LMBRD2: variants seen among roughly 807,000 people sequenced by gnomAD.
LMBRD2 encodes LMBR1 domain containing 2.
A neutral mutation model predicts 94.4 loss-of-function variants in LMBRD2; 55 were observed. The ratio of observed to expected loss-of-function variants is 0.58; its 90% confidence interval spans 0.47 to 0.73. The LOEUF is 0.73. LMBRD2 is among the 30% of genes least tolerant of loss of function. The pLI is 0.00. For synonymous variants in LMBRD2, 246 were observed against 272.4 expected (o/e 0.90, Z 0.95); for missense variants, 640 against 831.9 (o/e 0.77, Z 2.84).
At chr5:36,134,167 G>C (rs1744217245) in intron 6 of LMBRD2, among the ~76,000 whole-genome samples, 1 of 151,884 alleles carries the variant, frequency 6.6e-6, no homozygotes. Flanking sequence ...TGGGAATGTT[G>C]AATATAACAG....
chr5:36,119,549 C>A (rs760563937), intron 9 of LMBRD2, among the ~76,000 whole-genome samples: 17 of 152,166 alleles, frequency 1.1e-4, no homozygotes, highest in Non-Finnish European at 2.4e-4. Flanking sequence ...CTGTTTAAAT[C>A]CAACTCGCTG....
intron 6 of LMBRD2, among the ~76,000 whole-genome samples, chr5:36,126,137 T>C (rs1744002096): frequency 6.6e-6 from 1 of 152,214 alleles, no homozygotes; most frequent in South Asian, 2.1e-4. Context: ...AAGATAAGAC[T>C]TGGGTTTTTA....
intron 1 of LMBRD2, among the ~76,000 whole-genome samples, chr5:36,148,632 C>G (rs1023369826): frequency 6.6e-6 from 1 of 152,076 alleles, no homozygotes; most frequent in African/African-American, 2.4e-5. Flanking sequence ...GACCTCACAA[C>G]CTAGTAAGAA....
Position 36,105,145 on chromosome 5 carries a change from T to C in LMBRD2, c.1950A>G (p.Glu650=). ...ANNRTERDRI[E]LLQDAEPLDF... ...CCAAAGGTTCTGCATCTTGGAGAAG[T>C]TCTATCCGGTCCCTTTCAGTCCTGT... Residue 650 remains glutamate (E), a synonymous_variant, in exon 17 of 18, where the codon GAA becomes GAG. Transcript: ENST00000296603. The C allele has an allele frequency of 6.2e-7, 1 of 1,612,716 alleles. No homozygotes were observed. The highest frequency in any genetic ancestry group is 8.5e-7 in the Non-Finnish European group (1 of 1,178,986).
Position 36,122,425 on chromosome 5 carries a change from T to C in LMBRD2, c.975A>G (p.Val325=), listed in dbSNP as rs1743907970. Residue 325 remains valine (V), a synonymous_variant, in exon 9 of 18, where the codon GTA becomes GTG. Transcript: ENST00000296603. The part of the protein sequence containing the change: ...YSVQRHRRTQ[V]QWQILLEQAF... ...CTTGTTCCAAAAGAATCTGCCATTG[T>C]ACTTGAGTTCGACGGTGTCTCTGAA... 1 of 1,613,632 alleles carries C rather than the reference T, an allele frequency of 6.2e-7. No homozygotes were observed. The highest frequency in any genetic ancestry group is 1.3e-5 in the African/African-American group (1 of 75,034).
rs141686728 is a variant in LMBRD2, at chr5:36,133,032, C to T, written c.747+3277G>A. Reference sequence around the variant, plus strand: ...AAAAAAAAAAAGCTACCATGTGTTTCAGCAATTCCACTGCTAGGTATATAA... The same window carrying T: ...AAAAAAAAAAAGCTACCATGTGTTTTAGCAATTCCACTGCTAGGTATATAA... On this transcript the variant is annotated intron_variant, in intron 6 of 17. Transcript: ENST00000296603. Among the ~76,000 whole-genome samples, 406 of 150,712 alleles carry T rather than the reference C, an allele frequency of 2.7e-3. 3 individuals are homozygous for T. The highest frequency in any genetic ancestry group is 1.1e-3 in the Non-Finnish European group (77 of 67,682).
chr5:36,109,890 A>C, intron 15 of LMBRD2, 55 bp downstream of exon 15: 1 of 1,288,670 alleles, frequency 7.8e-7, no homozygotes. Flanking sequence ...TAAGATTCTT[A>C]AGAAATTAAA....
At chr5:36,114,193 A>T (rs561333109) in intron 13 of LMBRD2, among the ~76,000 whole-genome samples, 3 of 152,268 alleles carry the variant, frequency 2.0e-5, no homozygotes, top group African/African-American at 7.2e-5. Context: ...AATAATGTTA[A>T]AATAGTATTA....
chr5:36,125,731 A>G (rs935870955), intron 6 of LMBRD2, among the ~76,000 whole-genome samples: 9 of 152,216 alleles, frequency 5.9e-5, no homozygotes, highest in African/African-American at 2.2e-4. Context: ...TATTCCTGTC[A>G]AGGAATTTAG....
intron 11 of LMBRD2, 59 bp from the exon 12 acceptor site, chr5:36,115,179 AG>A (rs1462623318): frequency 1.0e-6 from 1 of 986,330 alleles, no homozygotes; most frequent in East Asian, 2.6e-5. Context: ...TACATTTTAT[AG>A]TATACTGAGA....
intron 1 of LMBRD2, among the ~76,000 whole-genome samples, chr5:36,148,246 GA>G (rs112066311): frequency 0.034 from 3,673 of 107,436 alleles, 72 homozygotes; most frequent in African/African-American, 0.07. Flanking sequence ...CTCGAAAAAT[GA>G]AAAAAAAAAA....
intron 7 of LMBRD2, among the ~76,000 whole-genome samples, chr5:36,123,179 T>C (rs1243723506): frequency 2.0e-5 from 3 of 152,118 alleles, no homozygotes; most frequent in Non-Finnish European, 4.4e-5. Context: ...TATTAATCTT[T>C]GTGTTCATAT....
At chr5:36,120,709 T>A (rs947037748) in intron 9 of LMBRD2, among the ~76,000 whole-genome samples, 37 of 152,194 alleles carry the variant, frequency 2.4e-4, no homozygotes, top group African/African-American at 8.9e-4. Flanking sequence ...TTGCTCCTCT[T>A]CTTATTTCTT....
Position 36,117,865 on chromosome 5 carries a change from A to G in LMBRD2, c.1172T>C (p.Val391Ala), listed in dbSNP as rs778750472. Residue 391 changes from valine (V) to alanine (A), a missense_variant, in exon 10 of 18, where the codon GTG becomes GCG. Around this residue, in one of 2 missense-constraint regions of LMBRD2, gnomAD observed 457 missense variants for 642.8 expected, o/e 0.71. Coordinates refer to ENST00000296603, the MANE Select transcript of LMBRD2 (RefSeq NM_001007527.2). ...LRPWFYKILA[V>A]VLSIFSVIVV... ...AATCACAGAGAAGATGGACAGAACC[A>G]CAGCAAGTATCTTGTAAAACCATGG... 1 of 1,613,860 alleles carries G rather than the reference A, an allele frequency of 6.2e-7. No individual in the cohort carries two copies. Among genetic ancestry groups the G allele is most frequent in the Non-Finnish European group, 8.5e-7 (1 of 1,179,894 alleles).
intron 17 of LMBRD2, 31 bp downstream of exon 17, chr5:36,105,037 C>T (rs376005517): frequency 3.7e-6 from 6 of 1,605,960 alleles, no homozygotes; most frequent in Admixed American, 1.7e-5. Context: ...TAGAGGAATG[C>T]TAGAGCTAAA....
chr5:36,145,160 T>C (rs1322830568), intron 1 of LMBRD2, among the ~76,000 whole-genome samples: 1 of 152,244 alleles, frequency 6.6e-6, no homozygotes, highest in Non-Finnish European at 1.5e-5. Context: ...TGGCATACAG[T>C]AGTATCAAGA....
At chr5:36,142,407 T>A (rs1236206493) in intron 3 of LMBRD2, 95 bp downstream of exon 3, 1 of 644,798 alleles carries the variant, frequency 1.6e-6, no homozygotes, top group African/African-American at 1.8e-5. Context: ...TGAGGATAAC[T>A]TACATAAATA....
intron 4 of LMBRD2, among the ~76,000 whole-genome samples, chr5:36,139,273 C>T (rs1033962972): frequency 8.5e-5 from 13 of 152,352 alleles, no homozygotes; most frequent in Middle Eastern, 3.4e-3. Flanking sequence ...CACCAGCCCC[C>T]GGCTGCCTCA....
Position 36,100,069 on chromosome 5 carries a change from G to GAAGT in LMBRD2, c.*3973_*3976dup, listed in dbSNP as rs1265248480. The GAAGT allele has an allele frequency of 6.6e-6, 1 of 152,114 alleles. No homozygotes were observed. Among genetic ancestry groups the GAAGT allele is most frequent in the Admixed American group, 6.6e-5 (1 of 15,252 alleles). The allele number at this position is 152,114 out of a possible 1,614,324, so 9.4% of individuals were successfully genotyped here. ...GGGCAAAAAGTCACTGAGTTGGAAA[G>GAAGT]AAGTACCTCATACAGATGGGAATTC... On this transcript the variant is annotated 3_prime_UTR_variant, in exon 18 of 18. Coordinates refer to ENST00000296603, the MANE Select transcript of LMBRD2 (RefSeq NM_001007527.2).
Sources: allele counts gnomAD v4.1 joint callset (sites outside exome capture counted in the v4.1 genomes callset), GRCh38; gene constraint gnomAD v4.1.1; regional missense constraint gnomAD v4.1.1; transcripts MANE v1.5; gene names NCBI Gene and HGNC (gene_info 2026-07-23, HGNC 2026-07-21).